Variants in ZNF644 observed in about 807,000 individuals in gnomAD.
ZNF644 encodes zinc finger motif enhancer binding protein 2.
A neutral mutation model predicts 108.0 loss-of-function variants in ZNF644; 20 were observed. That is an observed-to-expected ratio of 0.19 (90% CI 0.13 to 0.27). The LOEUF (loss-of-function observed/expected upper bound fraction) is 0.27, where lower values mean the gene tolerates loss of function less well. ZNF644 is among the 10% of genes least tolerant of loss of function. ZNF644 has a pLI of 1.00. For synonymous variants in ZNF644, 542 were observed against 539.1 expected (o/e 1.01, Z -0.08); for missense variants, 1,338 against 1,548.9 (o/e 0.86, Z 2.29).
At chr1:90,974,228 C>T (rs905529191) in intron 2 of ZNF644, among the ~76,000 whole-genome samples, 17 of 151,940 alleles carry the variant, frequency 1.1e-4, no homozygotes, top group African/African-American at 4.1e-4. Flanking sequence ...TAATCCCAGG[C>T]TGAGGCATGA....
intron 2 of ZNF644, among the ~76,000 whole-genome samples, chr1:90,942,162 T>C (rs531859658): frequency 5.9e-5 from 9 of 152,294 alleles, no homozygotes; most frequent in Non-Finnish European, 1.2e-4. Flanking sequence ...CCACTTATGA[T>C]CTGGTGGTCT....
intron 4 of ZNF644, among the ~76,000 whole-genome samples, chr1:90,926,592 T>C (rs1330862383): frequency 6.6e-6 from 1 of 152,184 alleles, no homozygotes; most frequent in Non-Finnish European, 1.5e-5. Context: ...TGCTAGTAAA[T>C]GACAGAGAAG....
intron 2 of ZNF644, among the ~76,000 whole-genome samples, chr1:90,969,895 G>T (rs1423002583): frequency 6.6e-6 from 1 of 152,104 alleles, no homozygotes; most frequent in African/African-American, 2.4e-5. Context: ...AGATTCTTAT[G>T]GCAGCCCTAG....
Position 90,939,870 on chromosome 1 carries a change from C to A in ZNF644, c.1484G>T (p.Arg495Leu). Residue 495 changes from arginine to leucine, a missense_variant, in exon 3 of 6, where the codon CGA becomes CTA. Coordinates refer to ENST00000337393, the MANE Select transcript of ZNF644 (RefSeq NM_201269.3). The stretch of plus-strand genomic sequence containing the variant: ...AAACACACACTGAGGACACTGTAAT[C>A]GTGCACTTCTTCCTTCATCCTGAAG... ...KELQDEGRSA[R>L]LQCPQCVFGT... The A allele has an allele frequency of 6.2e-7, 1 of 1,614,044 alleles. No homozygotes were observed. The highest frequency in any genetic ancestry group is 8.5e-7 in the Non-Finnish European group (1 of 1,179,940).
rs552108081 is a variant in ZNF644 at position 90,981,652 on chromosome 1, C to T, written c.44+658G>A. The stretch of plus-strand genomic sequence containing the variant: ...AATGTATCTTTTTAAAACATGTCAA[C>T]GGCTTATATTATTAAAAAGCATTCT... On this transcript the variant is annotated intron_variant, in intron 2 of 5. Transcript: ENST00000337393. Among the ~76,000 whole-genome samples the T allele has an allele frequency of 3.7e-4, 56 of 152,076 alleles. 1 individual carries two copies. In the East Asian group the frequency reaches 9.1e-3, roughly 25 times the overall value.
At chr1:90,932,070 TAGA>T (rs1245481232) in intron 4 of ZNF644, among the ~76,000 whole-genome samples, 2 of 152,168 alleles carry the variant, frequency 1.3e-5, no homozygotes, top group African/African-American at 4.8e-5. Flanking sequence ...ACCATCACAT[TAGA>T]AGTATTTAAG....
rs1651860767 is a variant in ZNF644 at position 90,940,637 on chromosome 1, A to G, written c.717T>C (p.Asn239=). The G allele has an allele frequency of 2.5e-6, 4 of 1,614,022 alleles. No individual in the cohort carries two copies. The highest frequency in any genetic ancestry group is 2.5e-6 in the Non-Finnish European group (3 of 1,179,974). ...TACCTGAGGAAATTCCCGTTACTGT[A>G]TTGACACAATCATCTTTCACCAATA... ...EDLLVKDDCV[N]TVTGISSGTD... The change falls in exon 3 of 6, where the codon AAT becomes AAC. Residue 239 remains asparagine (N), a synonymous_variant. Transcript: ENST00000337393.
rs560103885 is a variant in ZNF644 at position 91,018,783 on chromosome 1, CCCA to C, written c.-18+3204_-18+3206del. 4.7e-4 allele frequency among the ~76,000 whole-genome samples: 71 copies of C among 152,280 alleles called. No homozygotes were observed. The South Asian group carries it at 0.013, about 28-fold the overall frequency. ...TGACCTTTCTCTAGATTGCAGATAT[CCCA>C]CCACTTCTATTCTCTTTGAAACTTT... is the stretch of plus-strand genomic sequence containing the variant. On this transcript the variant is annotated intron_variant, in intron 1 of 5. Transcript: ENST00000337393.
At chr1:91,012,515 G>C (rs922266124) in intron 1 of ZNF644, among the ~76,000 whole-genome samples, 6 of 151,784 alleles carry the variant, frequency 4.0e-5, no homozygotes, top group Admixed American at 6.6e-5. Flanking sequence ...AAAGAAACAA[G>C]CAAAAACTAA....
chr1:90,960,245 C>T (rs1238723555), intron 2 of ZNF644, among the ~76,000 whole-genome samples: 2 of 151,996 alleles, frequency 1.3e-5, no homozygotes, highest in Non-Finnish European at 2.9e-5. Context: ...CTAAGATCTA[C>T]GTAAGAACAA....
At chr1:90,962,689 G>A (rs1246622710) in intron 2 of ZNF644, among the ~76,000 whole-genome samples, 2 of 152,042 alleles carry the variant, frequency 1.3e-5, no homozygotes, top group South Asian at 2.1e-4. Context: ...TACATTGTAG[G>A]ATATTTAGCA....
Position 90,940,563 on chromosome 1 carries a change from T to A in ZNF644, c.791A>T (p.Glu264Val). 1.2e-6 allele frequency: 2 copies of A among 1,614,044 alleles called. No individual in the cohort carries two copies. Among genetic ancestry groups the A allele is most frequent in the Non-Finnish European group, 1.7e-6 (2 of 1,179,966 alleles). Residue 264 changes from glutamate to valine, a missense_variant, in exon 3 of 6, where the codon GAG becomes GTG. Transcript: ENST00000337393. ...ATTAGTCATAAGAAATTGAATGAAC[T>A]CTTTTTGGGGATCCCAGTTTGTATC... is the stretch of plus-strand genomic sequence containing the variant. The part of the protein sequence containing the change: ...ENDTNWDPQK[E>V]FIQFLMTNEE...
chr1:91,012,534 G>A (rs1479104175), intron 1 of ZNF644, among the ~76,000 whole-genome samples: 1 of 152,092 alleles, frequency 6.6e-6, no homozygotes, highest in East Asian at 1.9e-4. Flanking sequence ...AATTTATGGT[G>A]ATAGAGGTTA....
chr1:90,935,676 T>C, intron 4 of ZNF644: 4 of 378,268 alleles, frequency 1.1e-5, no homozygotes, highest in Non-Finnish European at 1.5e-5. Flanking sequence ...GAGGGGAAAT[T>C]AAGTTAACTG....
chr1:90,986,312 A>G (rs1208589444), intron 1 of ZNF644, among the ~76,000 whole-genome samples: 1 of 146,186 alleles, frequency 6.8e-6, no homozygotes, highest in African/African-American at 2.5e-5. Flanking sequence ...GTTAAGGTGA[A>G]AAGAAAAAAC....
At chr1:90,950,307 G>GAGGGGAGGGA in intron 2 of ZNF644, among the ~76,000 whole-genome samples, 1 of 45,150 alleles carries the variant, frequency 2.2e-5, no homozygotes. Flanking sequence ...GAGGGGAGGG[G>GAGGGGAGGGA]ACAAAAGAAA....
chr1:91,020,735 T>C (rs1660828468), intron 1 of ZNF644: 1 of 152,180 alleles, frequency 6.6e-6, no homozygotes, highest in African/African-American at 2.4e-5. Context: ...CAAAAAATGT[T>C]TACAACTAAA....
intron 1 of ZNF644, among the ~76,000 whole-genome samples, chr1:91,001,407 G>T (rs1375698387): frequency 6.6e-6 from 1 of 152,038 alleles, no homozygotes; most frequent in Non-Finnish European, 1.5e-5. Context: ...ACGTAATCCA[G>T]CATATAAACA....
intron 2 of ZNF644, among the ~76,000 whole-genome samples, chr1:90,964,396 A>G (rs1046496384): frequency 6.6e-6 from 1 of 152,150 alleles, no homozygotes; most frequent in Non-Finnish European, 1.5e-5. Context: ...CCTGACCTAA[A>G]GGAGGTTTCT....
Sources: allele counts gnomAD v4.1 joint callset (sites outside exome capture counted in the v4.1 genomes callset), GRCh38; gene constraint gnomAD v4.1.1; transcripts MANE v1.5; gene names NCBI Gene and HGNC (gene_info 2026-07-23, HGNC 2026-07-21).